Variants in ZBTB38 observed in about 807,000 individuals in gnomAD.
The protein encoded by ZBTB38 is zinc finger and BTB domain-containing protein 38.
A neutral mutation model predicts 76.8 loss-of-function variants in ZBTB38; 20 were observed. That is an observed-to-expected ratio of 0.26 (90% CI 0.18 to 0.38). The LOEUF is 0.38. Among genes scored for constraint, ZBTB38 ranks in the 10% least tolerant of loss-of-function variants. The pLI is 1.00. For synonymous variants in ZBTB38, 504 were observed against 544.2 expected, an observed-to-expected ratio of 0.93 and a Z score of 1.03; for missense variants, 1,082 against 1,482.3, an observed-to-expected ratio of 0.73 and a Z score of 4.43.
chr3:141,398,828 T>A (rs773665922), intron 4 of ZBTB38, among the ~76,000 whole-genome samples: 3 of 152,190 alleles, frequency 2.0e-5, no homozygotes, highest in Non-Finnish European at 2.9e-5. Context: ...CATCAAAACA[T>A]CATAGCATTC....
At chr3:141,346,882 C>T (rs1943379156) in intron 1 of ZBTB38, among the ~76,000 whole-genome samples, 1 of 151,812 alleles carries the variant, frequency 6.6e-6, no homozygotes, top group African/African-American at 2.4e-5. Flanking sequence ...ACATTTCAGT[C>T]TCTGAAAGAA....
intron 5 of ZBTB38, among the ~76,000 whole-genome samples, chr3:141,436,657 C>T (rs2078870138): frequency 6.6e-6 from 1 of 152,080 alleles, no homozygotes; most frequent in Non-Finnish European, 1.5e-5. Flanking sequence ...ACCACCATGC[C>T]TGTCTAATTT....
In ZBTB38 at chr3:141,445,878, G is replaced by A. The variant is rs769906999; in HGVS notation, c.3490G>A (p.Glu1164Lys). Residue 1164 changes from glutamate to lysine, a missense_variant, in exon 6 of 6, where the codon GAA becomes AAA. Glu to Lys is a moderately conservative substitution (Grantham distance 56). This residue lies in a region of ZBTB38 where 54 missense variants were observed against 57.9 expected (regional missense o/e 0.93). Transcript: ENST00000321464. The surrounding 1 kb of genome is among the most constrained non-coding windows in gnomAD (Gnocchi z 6.5). ...QQEKIGDVCH[E>K]NSNPLENQHF... The stretch of plus-strand genomic sequence containing the variant: ...GGAGAAAATAGGTGACGTGTGCCAC[G>A]AAAACTCAAATCCCTTGGAGAATCA... 13 of 1,612,044 alleles carry A rather than the reference G, an allele frequency of 8.1e-6. No homozygotes were observed. The highest frequency in any genetic ancestry group is 3.3e-5 in the Admixed American group (2 of 60,010).
At chr3:141,378,535 G>A (rs908395990) in intron 2 of ZBTB38, among the ~76,000 whole-genome samples, 20 of 152,344 alleles carry the variant, frequency 1.3e-4, no homozygotes, top group East Asian at 1.2e-3. Context: ...CTTCTTGTAC[G>A]TCTTATGCTA....
chr3:141,351,092 G>A (rs972223274), intron 1 of ZBTB38, among the ~76,000 whole-genome samples: 2 of 152,198 alleles, frequency 1.3e-5, no homozygotes, highest in Non-Finnish European at 2.9e-5. Context: ...AAAAGCCAGT[G>A]AAAGATTATC....
intron 1 of ZBTB38, among the ~76,000 whole-genome samples, chr3:141,340,064 T>C (rs991699613): frequency 1.8e-4 from 27 of 152,248 alleles, no homozygotes; most frequent in African/African-American, 6.5e-4. Context: ...GGAATGGTCT[T>C]GACTTTTGTT....
In ZBTB38 at chr3:141,446,132, T is replaced by G; in HGVS notation, c.*156T>G. The G allele has an allele frequency of 1.9e-5, 13 of 671,692 alleles. No homozygotes were observed. The highest frequency in any genetic ancestry group is 2.7e-5 in the Non-Finnish European group (12 of 444,158). 41.6% of individuals were successfully genotyped at this position (671,692 alleles called of 1,614,324 possible). A position where few individuals can be genotyped will look rare whatever the true frequency, so the allele number is the denominator to read the frequency against. On this transcript the variant is annotated 3_prime_UTR_variant, in exon 6 of 6. Coordinates refer to ENST00000321464, the MANE Select transcript of ZBTB38 (RefSeq NM_001376113.1). Reference sequence around the variant, plus strand: ...GAAAATTCCAGAAAAAGGATCCTAATATCTACTTTGGGTTTTAGCATTAAC... The same window carrying G: ...GAAAATTCCAGAAAAAGGATCCTAAGATCTACTTTGGGTTTTAGCATTAAC...
intron 1 of ZBTB38, among the ~76,000 whole-genome samples, chr3:141,361,768 A>G (rs1943833236): frequency 6.6e-6 from 1 of 152,154 alleles, no homozygotes; most frequent in Non-Finnish European, 1.5e-5. Flanking sequence ...AGTGCCCCCA[A>G]ATACTTCACT....
chr3:141,395,591 CAAT>C (rs1310413743), intron 4 of ZBTB38, among the ~76,000 whole-genome samples: 2 of 151,990 alleles, frequency 1.3e-5, no homozygotes, highest in Non-Finnish European at 2.9e-5. Context: ...ATTCAAAATA[CAAT>C]AATATATAAT....
At chr3:141,426,173 G>A in intron 5 of ZBTB38, 1 of 1,289,400 alleles carries the variant, frequency 7.8e-7, no homozygotes, top group South Asian at 1.2e-5. Flanking sequence ...ATGGTAAGCT[G>A]TTCCTTCATA....
chr3:141,437,493 C>T (rs2079071851), intron 5 of ZBTB38, among the ~76,000 whole-genome samples: 1 of 152,150 alleles, frequency 6.6e-6, no homozygotes, highest in Admixed American at 6.6e-5. Context: ...ATTTTTGTTT[C>T]TCTTATGGCA....
intron 1 of ZBTB38, among the ~76,000 whole-genome samples, chr3:141,356,482 C>T (rs1365090781): frequency 2.0e-5 from 3 of 152,122 alleles, no homozygotes; most frequent in South Asian, 2.1e-4. Flanking sequence ...GGGGAAGCCT[C>T]GGTATTTGGT....
rs577485236 is a variant in ZBTB38 at position 141,374,194 on chromosome 3, TATTATC to T, written c.-235+4254_-235+4259del. ...TTGGTGCTTTGACTTTTGATATTGT[TATTATC>T]ATTATTTTAAAGATTTTTTTGTCTT... On this transcript the variant is annotated intron_variant, in intron 2 of 5. Transcript: ENST00000321464. Among the ~76,000 whole-genome samples, 444 of 152,320 alleles carry T rather than the reference TATTATC, an allele frequency of 2.9e-3. 4 individuals carry two copies. The highest frequency in any genetic ancestry group is 0.01 in the African/African-American group (422 of 41,566).
upstream of ZBTB38, among the ~76,000 whole-genome samples, chr3:141,366,000 T>A (rs987742916): frequency 5.3e-5 from 8 of 152,206 alleles, no homozygotes; most frequent in African/African-American, 1.9e-4. Context: ...TGGTTTTAAT[T>A]ACCAGCATTT....
Position 141,371,345 on chromosome 3 carries a change from C to G in ZBTB38, c.-235+1399C>G, listed in dbSNP as rs370408875. 4.0e-5 allele frequency among the ~76,000 whole-genome samples: 6 copies of G among 151,486 alleles called. No individual in the cohort carries two copies. The South Asian group carries it at 8.3e-4, about 21-fold the overall frequency. On this transcript the variant is annotated intron_variant, in intron 2 of 5. Coordinates refer to ENST00000321464, the MANE Select transcript of ZBTB38 (RefSeq NM_001376113.1). ...AGATTACAGACATGAGCCATAGCGCCCAGCCGAGAAACTTTTTTTTTCTTT... is the reference window on the plus strand; with the variant it reads ...AGATTACAGACATGAGCCATAGCGCGCAGCCGAGAAACTTTTTTTTTCTTT...
At chr3:141,402,317 G>T (rs899915829) in intron 4 of ZBTB38, 1 of 151,876 alleles carries the variant, frequency 6.6e-6, no homozygotes, top group African/African-American at 2.4e-5. Context: ...CCGGGGGCGG[G>T]CCGGGCCGGC....
chr3:141,445,710 A>G lies in ZBTB38; in HGVS notation c.3322A>G (p.Thr1108Ala). 2 of 1,614,204 alleles carry G rather than the reference A, an allele frequency of 1.2e-6. No individual in the cohort carries two copies. Among genetic ancestry groups the G allele is most frequent in the South Asian group, 2.2e-5 (2 of 91,084 alleles). The stretch of plus-strand genomic sequence containing the variant: ...CTTTCAGAGATTTTTGTATCTCTCC[A>G]CCAAAAGGAATCACGAGCAGAGGCA... ...FCFQRFLYLSTKRNHEQRHIR... is the reference protein window; with the variant it reads ...FCFQRFLYLSAKRNHEQRHIR... The change falls in exon 6 of 6, where the codon ACC (threonine) becomes GCC (alanine). Residue 1108 changes from threonine (T) to alanine (A), a missense_variant. This residue lies in a region of ZBTB38 where 69 missense variants were observed against 148.2 expected (regional missense o/e 0.47). Transcript: ENST00000321464. This position sits in a 1 kb window ranked among gnomAD's most constrained non-coding sequence, Gnocchi z 6.5.
chr3:141,372,940 T>C (rs2149049887), intron 2 of ZBTB38, among the ~76,000 whole-genome samples: 1 of 152,318 alleles, frequency 6.6e-6, no homozygotes, highest in South Asian at 2.1e-4. Context: ...GTAGTTGACA[T>C]ATGAATGGTG....
rs1354339188 is a variant in ZBTB38, at chr3:141,350,374, CTT to C, written c.-738-18244_-738-18243del. Among the ~76,000 whole-genome samples the C allele has an allele frequency of 2.6e-5, 4 of 152,184 alleles. No individual in the cohort carries two copies. In the East Asian group the frequency reaches 7.7e-4, roughly 29 times the overall value. On this transcript the variant is annotated intron_variant, in intron 1 of 7. Coordinates refer to the ZBTB38 transcript ENST00000509842. ...GATTATATTTCTTTTCTTGTATAGT[CTT>C]TTGGTTTTTTTCACTGGAGTTTGTA...
Sources: allele counts gnomAD v4.1 joint callset (sites outside exome capture counted in the v4.1 genomes callset), GRCh38; gene constraint gnomAD v4.1.1; regional missense constraint gnomAD v4.1.1; non-coding constraint Gnocchi (gnomAD v3.1); transcripts MANE v1.5; gene names NCBI Gene and HGNC (gene_info 2026-07-23, HGNC 2026-07-21).